CRMP1: variants seen among roughly 807,000 people sequenced by gnomAD.
CRMP1 encodes the protein collapsin response mediator protein 1.
Under a neutral mutation model 68.3 loss-of-function variants are expected in CRMP1, and 19 were observed. The observed-to-expected ratio is 0.28, with a 90% CI of 0.19 to 0.41. The LOEUF (loss-of-function observed/expected upper bound fraction) is 0.41, where lower values mean the gene tolerates loss of function less well. Among genes scored for constraint, CRMP1 ranks in the 10% least tolerant of loss-of-function variants. The pLI is 1.00. For missense variants in CRMP1, 791 were observed against 967.4 expected (o/e 0.82, Z 2.42); for synonymous variants, 439 against 399.6 (o/e 1.10, Z -1.18).
intron 1 of CRMP1, among the ~76,000 whole-genome samples, chr4:5,875,907 C>T (rs1714779419): frequency 6.6e-6 from 1 of 152,140 alleles, no homozygotes; most frequent in Admixed American, 6.5e-5. Flanking sequence ...AATCCCAGCA[C>T]TTTGGGAGGC....
rs71171490 is a variant in CRMP1 at position 5,846,757 on chromosome 4, A to ATTTTTTTTTTTTTT, written c.963+2621_963+2634dup. On this transcript the variant is annotated intron_variant, in intron 6 of 13. Coordinates refer to ENST00000324989, the MANE Select transcript of CRMP1 (RefSeq NM_001014809.3). ...AGGCACCCGCCACCATGCCCGGCTA[A>ATTTTTTTTTTTTTT]TTTTTTTTTTTTTTTTTTTTTTTTT... 5.6e-5 allele frequency among the ~76,000 whole-genome samples: 3 copies of ATTTTTTTTTTTTTT among 53,710 alleles called. 1 individual carries two copies. The highest frequency in any genetic ancestry group is 3.3e-4 in the African/African-American group (3 of 9,154). 35.2% of individuals were successfully genotyped at this position (53,710 alleles called of 152,430 possible). A position where few individuals can be genotyped will look rare whatever the true frequency, so the allele number is the denominator to read the frequency against.
In CRMP1 at chr4:5,860,754, A is replaced by G. The variant is rs73797938; in HGVS notation, c.655+272T>C. Reference sequence around the variant, plus strand: ...AGTCTCATGCTAAGCGATTATATCAATGAGATGTTGTTTTATTTCAATATT... The same window carrying G: ...AGTCTCATGCTAAGCGATTATATCAGTGAGATGTTGTTTTATTTCAATATT... On this transcript the variant is annotated intron_variant, in intron 3 of 13. Coordinates refer to ENST00000324989, the MANE Select transcript of CRMP1 (RefSeq NM_001014809.3). The surrounding 1 kb of genome is among the most constrained non-coding windows in gnomAD (Gnocchi z 4.2). 0.057 allele frequency among the ~76,000 whole-genome samples: 8,747 copies of G among 152,246 alleles called. 587 individuals carry two copies. Among genetic ancestry groups the G allele is most frequent in the African/African-American group, 0.16 (6,803 of 41,522 alleles).
chr4:5,887,441 C>CCAGG, intron 1 of CRMP1: 1 of 985,510 alleles, frequency 1.0e-6, no homozygotes. Context: ...CACGCTGATG[C>CCAGG]CAGGCAGGAA....
At chr4:5,828,447 C>A (rs1309958762) in intron 12 of CRMP1, 42 bp downstream of exon 12, 2 of 1,599,076 alleles carry the variant, frequency 1.3e-6, no homozygotes, top group African/African-American at 2.7e-5. Context: ...GCTGTCGGCT[C>A]TGGTCCCACG....
chr4:5,885,622 A>T (rs1715527459), intron 1 of CRMP1, among the ~76,000 whole-genome samples: 1 of 152,036 alleles, frequency 6.6e-6, no homozygotes, highest in Admixed American at 6.6e-5. Flanking sequence ...TCCACAAAGA[A>T]CCCTGCTCTC....
chr4:5,869,862 G>C (rs918064412), intron 1 of CRMP1, among the ~76,000 whole-genome samples: 8 of 152,034 alleles, frequency 5.3e-5, no homozygotes, highest in Non-Finnish European at 1.0e-4. Context: ...AATAAAGAGG[G>C]CATATTGACC....
rs985902300 is a variant in CRMP1, at chr4:5,866,687, G to C, written c.451C>G (p.Leu151Val). 4.4e-5 allele frequency: 71 copies of C among 1,612,722 alleles called. No individual in the cohort carries two copies. Among genetic ancestry groups the C allele is most frequent in the Non-Finnish European group, 6.0e-5 (71 of 1,179,760 alleles). Residue 151 changes from leucine to valine, a missense_variant, in exon 2 of 14, where the codon CTG becomes GTG. By Grantham distance (32) the Leu-to-Val change is conservative. This residue lies in a region of CRMP1 where 594 missense variants were observed against 763.6 expected (regional missense o/e 0.78). Coordinates refer to ENST00000324989, the MANE Select transcript of CRMP1 (RefSeq NM_001014809.3). The surrounding 1 kb of genome is among the most constrained non-coding windows in gnomAD (Gnocchi z 5.9). ...ACCCACTTGATAAGTCCATCCTCCA[G>C]GTAGACGTCAGCATAAAGGGATTGG... ...DDQSLYADVY[L>V]EDGLIKQIGE...
At position 5,843,240 on chromosome 4, in the gene CRMP1, G is replaced by T. The variant is rs1252302714; in HGVS notation, c.964-79C>A. 1.4e-6 allele frequency: 2 copies of T among 1,445,030 alleles called. No homozygotes were observed. The highest frequency in any genetic ancestry group is 2.3e-5 in the South Asian group (2 of 87,126). 89.5% of individuals were successfully genotyped at this position (1,445,030 alleles called of 1,614,324 possible). A position where few individuals can be genotyped will look rare whatever the true frequency, so the allele number is the denominator to read the frequency against. On this transcript the variant is annotated intron_variant, in intron 6 of 13. Coordinates refer to ENST00000324989, the MANE Select transcript of CRMP1 (RefSeq NM_001014809.3). This position sits in a 1 kb window ranked among gnomAD's most constrained non-coding sequence, Gnocchi z 4.1. The stretch of plus-strand genomic sequence containing the variant: ...AGTGACTCCTCCAACCCCCTGGTTA[G>T]ACAGAGGGGGCAGCTGGGTCCCAAA...
Position 5,892,989 on chromosome 4 carries a change from C to T in CRMP1, c.-20G>A, listed in dbSNP as rs1716021679. 1 of 1,167,850 alleles carries T rather than the reference C, an allele frequency of 8.6e-7. No individual in the cohort carries two copies. The highest frequency in any genetic ancestry group is 1.1e-6 in the Non-Finnish European group (1 of 947,054). The allele number at this position is 1,167,850 out of a possible 1,614,324, so 72.3% of individuals were successfully genotyped here. ...CGCCATACCCGTCCAAGGCCGGCCA[C>T]CCACCGCGCTCCCGCCTGCCCGCCC... On this transcript the variant is annotated 5_prime_UTR_variant, in exon 1 of 14. The change creates a new upstream start codon in the 5' untranslated region. Coordinates refer to ENST00000324989, the MANE Select transcript of CRMP1 (RefSeq NM_001014809.3). This position sits in a 1 kb window ranked among gnomAD's most constrained non-coding sequence, Gnocchi z 8.6.
rs575759842 is a variant in CRMP1, at chr4:5,870,188, T to C, written c.382-3432A>G. Reference sequence around the variant, plus strand: ...TGCTCCTACTTGCTTTGGGCCCTGCTTGATGTTACTTATCTGAGTGCCCTC... The same window carrying C: ...TGCTCCTACTTGCTTTGGGCCCTGCCTGATGTTACTTATCTGAGTGCCCTC... On this transcript the variant is annotated intron_variant, in intron 1 of 13. Coordinates refer to ENST00000324989, the MANE Select transcript of CRMP1 (RefSeq NM_001014809.3). This position sits in a 1 kb window ranked among gnomAD's most constrained non-coding sequence, Gnocchi z 6.0. Among the ~76,000 whole-genome samples, 8 of 152,366 alleles carry C rather than the reference T, an allele frequency of 5.3e-5. No homozygotes were observed. The East Asian group carries it at 1.5e-3, about 29-fold the overall frequency.
chr4:5,837,894 G>A (rs1360239569), intron 9 of CRMP1, among the ~76,000 whole-genome samples: 4 of 152,128 alleles, frequency 2.6e-5, no homozygotes, highest in African/African-American at 9.7e-5. Flanking sequence ...AAGGAATGGG[G>A]ACTGCATCTA....
Position 5,834,796 on chromosome 4 carries a change from C to T in CRMP1, c.1623+1119G>A, listed in dbSNP as rs998325355. On this transcript the variant is annotated intron_variant, in intron 11 of 13. Coordinates refer to ENST00000324989, the MANE Select transcript of CRMP1 (RefSeq NM_001014809.3). The surrounding 1 kb of genome is among the most constrained non-coding windows in gnomAD (Gnocchi z 4.3). ...CATGGGAAGATGATCTCAGGCACCC[C>T]GTTCCCTGGAGATGGGGGCTGTGGG... Among the ~76,000 whole-genome samples the T allele has an allele frequency of 6.6e-5, 10 of 152,150 alleles. No homozygotes were observed. The highest frequency in any genetic ancestry group is 1.4e-4 in the African/African-American group (6 of 41,434).
chr4:5,846,356 T>A (rs147397707), intron 6 of CRMP1, among the ~76,000 whole-genome samples: 1 of 152,318 alleles, frequency 6.6e-6, no homozygotes, highest in East Asian at 1.9e-4. Flanking sequence ...GCTGTGCCTG[T>A]GGACCATCTC....
chr4:5,827,777 A>G (rs1381960372), intron 12 of CRMP1, among the ~76,000 whole-genome samples: 1 of 151,062 alleles, frequency 6.6e-6, no homozygotes, highest in Non-Finnish European at 1.5e-5. Context: ...TCTGGCAAAC[A>G]TCAGCTGTCT....
At position 5,883,382 on chromosome 4, in the gene CRMP1, C is replaced by T. The variant is rs1046642965; in HGVS notation, c.381+9207G>A. 1.3e-5 allele frequency among the ~76,000 whole-genome samples: 2 copies of T among 152,030 alleles called. No individual in the cohort carries two copies. The highest frequency in any genetic ancestry group is 4.8e-5 in the African/African-American group (2 of 41,388). On this transcript the variant is annotated intron_variant, in intron 1 of 13. Transcript: ENST00000324989. This position sits in a 1 kb window ranked among gnomAD's most constrained non-coding sequence, Gnocchi z 4.5. ...TGGCATGATCTCAGCTCACTGCAACCTCTGCCTCCCAGGTTCAAGCAATTT... is the reference window on the plus strand; with the variant it reads ...TGGCATGATCTCAGCTCACTGCAACTTCTGCCTCCCAGGTTCAAGCAATTT...
At chr4:5,867,907 A>AAC (rs141328248) in intron 1 of CRMP1, among the ~76,000 whole-genome samples, 2,824 of 150,076 alleles carry the variant, frequency 0.019, 61 homozygotes, top group African/African-American at 0.052. Flanking sequence ...TGGATAGATA[A>AAC]ACACACACAC....
chr4:5,862,276 C>G (rs992609391), intron 2 of CRMP1, among the ~76,000 whole-genome samples: 3 of 147,922 alleles, frequency 2.0e-5, no homozygotes, highest in African/African-American at 5.4e-5. Flanking sequence ...CCCTTACCCC[C>G]AGAATGTCCA....
Position 5,870,007 on chromosome 4 carries a change from GAGA to G in CRMP1, c.382-3254_382-3252del, listed in dbSNP as rs920698811. Reference sequence around the variant, plus strand: ...CAGCCACAATGGCCCTGCAAGCCCAGAGAAGAAGAGTTTAACCCAAACTAAGGC... The same window carrying G: ...CAGCCACAATGGCCCTGCAAGCCCAGAGAAGAGTTTAACCCAAACTAAGGC... On this transcript the variant is annotated intron_variant, in intron 1 of 13. Transcript: ENST00000324989. This position sits in a 1 kb window ranked among gnomAD's most constrained non-coding sequence, Gnocchi z 6.0. Among the ~76,000 whole-genome samples the G allele has an allele frequency of 2.6e-5, 4 of 152,208 alleles. No individual in the cohort carries two copies. The highest frequency in any genetic ancestry group is 7.2e-5 in the African/African-American group (3 of 41,456).
intron 1 of CRMP1, among the ~76,000 whole-genome samples, chr4:5,868,290 T>TATAG (rs1714172873): frequency 4.6e-5 from 6 of 131,396 alleles, no homozygotes; most frequent in Non-Finnish European, 9.4e-5. Flanking sequence ...TATATATATA[T>TATAG]ATATATATAT....
Sources: gnomAD v4.1 joint callset for allele counts (sites outside exome capture counted in the v4.1 genomes callset) on GRCh38, gnomAD v4.1.1 for gene constraint, gnomAD v4.1.1 regional missense constraint, Gnocchi (gnomAD v3.1) non-coding constraint, MANE v1.5 for transcripts, NCBI Gene and HGNC (gene_info 2026-07-23, HGNC 2026-07-21) for gene names.